CDH13: variants seen among roughly 807,000 people sequenced by gnomAD.
CDH13 encodes cadherin-13.
CDH13 carries 24 observed loss-of-function variants against 63.8 expected under a neutral mutation model. The ratio of observed to expected loss-of-function variants is 0.38; its 90% CI spans 0.27 to 0.53. The LOEUF is 0.53. Ranked by LOEUF, CDH13 falls within the 20% of genes least tolerant of loss-of-function variation. The pLI, the probability that CDH13 is intolerant of heterozygous loss-of-function variation, is 0.85. For synonymous variants in CDH13, 503 were observed against 355.3 expected (o/e 1.42, Z -4.67); for missense variants, 1,049 against 903.1 (o/e 1.16, Z -2.07).
intron 2 of CDH13, among the ~76,000 whole-genome samples, chr16:82,911,548 C>T (rs1355277073): frequency 1.3e-5 from 2 of 152,168 alleles, no homozygotes; most frequent in Non-Finnish European, 2.9e-5. Context: ...GTGTCTCCAT[C>T]TGTAAAATGG....
intron 7 of CDH13, among the ~76,000 whole-genome samples, chr16:83,514,323 C>T (rs182170477): frequency 1.3e-5 from 2 of 152,298 alleles, no homozygotes; most frequent in South Asian, 2.1e-4. Flanking sequence ...GTAGGCCCTA[C>T]GTCCAGTATG....
rs115414442 is a variant in CDH13, at chr16:83,406,929, A to G, written c.781+61923A>G. On this transcript the variant is annotated intron_variant, in intron 6 of 13. Coordinates refer to ENST00000567109, the MANE Select transcript of CDH13 (RefSeq NM_001257.5). The stretch of plus-strand genomic sequence containing the variant: ...ATCTTATACATTGTCCATAGCTACT[A>G]TTGTTAAAATTAGTTTATGACTATT... Among the ~76,000 whole-genome samples the G allele has an allele frequency of 6.9e-3, 1,055 of 152,336 alleles. 16 individuals are homozygous for G. The highest frequency in any genetic ancestry group is 0.024 in the African/African-American group (995 of 41,568).
chr16:83,037,126 A>T (rs1916932720), intron 3 of CDH13, among the ~76,000 whole-genome samples: 1 of 152,172 alleles, frequency 6.6e-6, no homozygotes, highest in African/African-American at 2.4e-5. Flanking sequence ...GAGAGACTAG[A>T]GCTACTAGTT....
At chr16:83,729,855 T>A (rs422455) in intron 10 of CDH13, among the ~76,000 whole-genome samples, 5 of 152,088 alleles carry the variant, frequency 3.3e-5, no homozygotes, top group African/African-American at 9.6e-5. Flanking sequence ...GCAGCAAATC[T>A]GTTTGGGATT....
chr16:82,706,151 C>T (rs999695103), intron 1 of CDH13, among the ~76,000 whole-genome samples: 1 of 152,018 alleles, frequency 6.6e-6, no homozygotes, highest in East Asian at 1.9e-4. Context: ...TTTCTTTCCG[C>T]CTCCCTTCTC....
In CDH13 at chr16:83,628,773, C is replaced by G. The variant is rs867771742; in HGVS notation, c.1101+26179C>G. Among the ~76,000 whole-genome samples the G allele has an allele frequency of 6.6e-5, 10 of 152,268 alleles. No homozygotes were observed. The South Asian group carries it at 8.3e-4, about 13-fold the overall frequency. ...GCCAGCTCTCCTGGTTTGTTTATAC[C>G]TTTTTCCCACCTGAAACCTTGATGG... On this transcript the variant is annotated intron_variant, in intron 8 of 13. Transcript: ENST00000567109.
At chr16:82,718,656 G>C (rs1440335525) in intron 1 of CDH13, among the ~76,000 whole-genome samples, 1 of 152,176 alleles carries the variant, frequency 6.6e-6, no homozygotes, top group Non-Finnish European at 1.5e-5. Context: ...AATCATGGTG[G>C]AAGGTGAAAG....
chr16:83,686,699 A>G (rs1025020664), intron 10 of CDH13, among the ~76,000 whole-genome samples: 1 of 152,214 alleles, frequency 6.6e-6, no homozygotes, highest in African/African-American at 2.4e-5. Flanking sequence ...GATAGGAAAA[A>G]AATGTATTTT....
chr16:83,726,969 A>G (rs7198602), intron 10 of CDH13, among the ~76,000 whole-genome samples: 3,946 of 152,094 alleles, frequency 0.026, 175 homozygotes, highest in African/African-American at 0.091. Flanking sequence ...AATCATGGAT[A>G]CCTCCCTTCC....
chr16:83,255,446 C>T (rs1000362921), intron 5 of CDH13, among the ~76,000 whole-genome samples: 2 of 152,184 alleles, frequency 1.3e-5, no homozygotes, highest in Admixed American at 6.5e-5. Context: ...TGGAAAATGT[C>T]TTCATGAGCA....
Position 82,919,733 on chromosome 16 carries a change from T to G in CDH13, c.157+61260T>G, listed in dbSNP as rs557065790. ...AAGTTCTGGAAACTGGTAGCAGAAC[T>G]TAAGCCGCGGTATAATTCTGAACAG... On this transcript the variant is annotated intron_variant, in intron 2 of 13. Transcript: ENST00000567109. 9.8e-5 allele frequency among the ~76,000 whole-genome samples: 15 copies of G among 152,334 alleles called. 1 individual carries two copies. In the East Asian group the frequency reaches 2.5e-3, roughly 25 times the overall value.
intron 1 of CDH13, among the ~76,000 whole-genome samples, chr16:82,842,151 TATATATATATATACACACACAC>T (rs2039059923): frequency 2.6e-5 from 1 of 38,576 alleles, no homozygotes; most frequent in African/African-American, 7.4e-5. Flanking sequence ...CATATATATA[TATATATATATATACACACACAC>T]ACATATATAT....
intron 2 of CDH13, among the ~76,000 whole-genome samples, chr16:82,889,522 A>G (rs1033560042): frequency 6.6e-6 from 1 of 152,228 alleles, no homozygotes; most frequent in Non-Finnish European, 1.5e-5. Context: ...GTGATGGTCT[A>G]TAAATTTAGG....
chr16:83,121,057 C>T (rs2035548231), intron 3 of CDH13, among the ~76,000 whole-genome samples: 1 of 152,134 alleles, frequency 6.6e-6, no homozygotes, highest in African/African-American at 2.4e-5. Flanking sequence ...CCGCTGCGCC[C>T]AGCCAATGCT....
At chr16:83,624,267 G>A (rs1474783108) in intron 8 of CDH13, among the ~76,000 whole-genome samples, 1 of 151,754 alleles carries the variant, frequency 6.6e-6, no homozygotes, top group Non-Finnish European at 1.5e-5. Flanking sequence ...CTCATAGAAA[G>A]ACTTTTGGTC....
intron 1 of CDH13, among the ~76,000 whole-genome samples, chr16:82,680,745 T>C (rs1218758277): frequency 1.3e-5 from 2 of 152,164 alleles, no homozygotes; most frequent in Non-Finnish European, 2.9e-5. Context: ...TTTCCGTACT[T>C]GAGGCCTATC....
intron 5 of CDH13, among the ~76,000 whole-genome samples, chr16:83,296,732 C>T (rs964178837): frequency 6.6e-6 from 1 of 152,164 alleles, no homozygotes; most frequent in Non-Finnish European, 1.5e-5. Context: ...TTGCCAATCT[C>T]ACTACTATTT....
At chr16:83,573,560 C>T (rs1291894746) in intron 7 of CDH13, among the ~76,000 whole-genome samples, 2 of 152,136 alleles carry the variant, frequency 1.3e-5, no homozygotes, top group South Asian at 4.2e-4. Context: ...CCAGATATAA[C>T]CTTGGGATCC....
intron 7 of CDH13, among the ~76,000 whole-genome samples, chr16:83,572,267 A>G (rs959334087): frequency 2.6e-4 from 38 of 148,990 alleles, no homozygotes; most frequent in African/African-American, 7.6e-4. Context: ...GCTCATTGCA[A>G]TCTCTGCCTC....
Sources: gnomAD v4.1 joint callset for allele counts (sites outside exome capture counted in the v4.1 genomes callset) on GRCh38, gnomAD v4.1.1 for gene constraint, MANE v1.5 for transcripts, NCBI Gene and HGNC (gene_info 2026-07-23, HGNC 2026-07-21) for gene names.